ANKRD11: variants seen among roughly 807,000 people sequenced by gnomAD.
ANKRD11 encodes ankyrin repeat domain-containing protein 11.
Under a neutral mutation model 195.7 loss-of-function variants are expected in ANKRD11, and 17 were observed. The observed-to-expected ratio is 0.09, with a 90% CI of 0.06 to 0.13. The LOEUF (loss-of-function observed/expected upper bound fraction) is 0.13. Ranked by LOEUF, ANKRD11 falls within the 10% of genes least tolerant of loss-of-function variation. ANKRD11 has a pLI of 1.00. For missense variants in ANKRD11, 3,735 were observed against 3,566.1 expected (o/e 1.05, Z -1.21); for synonymous variants, 1,953 against 1,528.1 (o/e 1.28, Z -6.49).
Position 89,279,883 on chromosome 16 carries a change from G to A in ANKRD11, c.6659C>T (p.Ala2220Val), listed in dbSNP as rs758225743. Residue 2220 changes from alanine to valine, a missense_variant, in exon 9 of 13, where the codon GCG becomes GTG. Physicochemically the swap from Ala to Val is moderately conservative, Grantham distance 64 (BLOSUM62 0). Coordinates refer to ENST00000301030, the MANE Select transcript of ANKRD11 (RefSeq NM_013275.6). The surrounding 1 kb of genome is among the most constrained non-coding windows in gnomAD (Gnocchi z 5.6). ...TTCCGGCACCGTCTCCGCCTCCACC[G>A]CAGCTTCTAGAGCCACGTCCAGCTT... is the stretch of plus-strand genomic sequence containing the variant. The part of the protein sequence containing the change: ...EPKLDVALEA[A>V]VEAETVPEER... The A allele has an allele frequency of 1.4e-5, 22 of 1,594,326 alleles. No individual in the cohort carries two copies. In the South Asian group the frequency reaches 2.1e-4, roughly 15 times the overall value.
chr16:89,428,080 C>T (rs376618974), intron 1 of ANKRD11, among the ~76,000 whole-genome samples: 18 of 147,086 alleles, frequency 1.2e-4, no homozygotes, highest in East Asian at 4.1e-4. Context: ...TGGTGGCGCG[C>T]GCCTGTAATC....
chr16:89,346,727 G>A (rs188637188), intron 2 of ANKRD11, among the ~76,000 whole-genome samples: 8 of 152,312 alleles, frequency 5.3e-5, no homozygotes, highest in Admixed American at 3.3e-4. Context: ...GGAGATCCAG[G>A]TAAAGTGGTT....
chr16:89,313,171 C>G, intron 3 of ANKRD11: 1 of 833,352 alleles, frequency 1.2e-6, no homozygotes, highest in Non-Finnish European at 1.6e-6. Context: ...TGAGAACCAC[C>G]AAGTGAAGCT....
chr16:89,429,108 AGAC>A (rs1211414712), intron 1 of ANKRD11, among the ~76,000 whole-genome samples: 6 of 151,476 alleles, frequency 4.0e-5, no homozygotes, highest in African/African-American at 4.9e-5. Flanking sequence ...TCTCACGCTC[AGAC>A]GTTCTAGTAC....
At position 89,282,484 on chromosome 16, in the gene ANKRD11, G is replaced by C; in HGVS notation, c.4058C>G (p.Ser1353Cys). 6.2e-7 allele frequency: 1 copy of C among 1,613,916 alleles called. No homozygotes were observed. Among genetic ancestry groups the C allele is most frequent in the Non-Finnish European group, 8.5e-7 (1 of 1,179,990 alleles). Residue 1353 changes from serine (S) to cysteine (C), a missense_variant, in exon 9 of 13, where the codon TCC becomes TGC. Transcript: ENST00000301030. ...KLKEKERHRHSSSSSKKSHDR... is the reference protein window; with the variant it reads ...KLKEKERHRHCSSSSKKSHDR... ...GTGGCTCTTCTTGGATGAAGATGAG[G>C]AGTGTCTGTGCCTCTCCTTCTCTTT...
At chr16:89,275,662 G>C (rs947018290) in intron 9 of ANKRD11, among the ~76,000 whole-genome samples, 4 of 152,182 alleles carry the variant, frequency 2.6e-5, no homozygotes, top group African/African-American at 7.2e-5. Context: ...CGAGCCGGTG[G>C]TCTTGCAGTG....
intron 2 of ANKRD11, among the ~76,000 whole-genome samples, chr16:89,408,140 T>C (rs1039942072): frequency 1.2e-4 from 19 of 152,214 alleles, no homozygotes; most frequent in African/African-American, 3.9e-4. Context: ...TCGAAGGACT[T>C]GCGCATGGCC....
chr16:89,472,651 G>A (rs2057127473), intron 1 of ANKRD11, among the ~76,000 whole-genome samples: 1 of 152,138 alleles, frequency 6.6e-6, no homozygotes, highest in African/African-American at 2.4e-5. Flanking sequence ...TAATGGCTGT[G>A]CACACCGTTT....
At chr16:89,289,576 G>A (rs2034888212) in intron 6 of ANKRD11, among the ~76,000 whole-genome samples, 2 of 152,226 alleles carry the variant, frequency 1.3e-5, no homozygotes, top group African/African-American at 4.8e-5. Flanking sequence ...ACCCAGCCCT[G>A]TGAAGTGAGG....
At chr16:89,368,071 C>T (rs2040025122) in intron 2 of ANKRD11, among the ~76,000 whole-genome samples, 1 of 152,142 alleles carries the variant, frequency 6.6e-6, no homozygotes, top group Admixed American at 6.5e-5. Flanking sequence ...ATCTGAAAAC[C>T]CTGTTTATCT....
At chr16:89,439,528 A>G (rs575301776) in intron 1 of ANKRD11, among the ~76,000 whole-genome samples, 2 of 152,334 alleles carry the variant, frequency 1.3e-5, no homozygotes, top group South Asian at 2.1e-4. Context: ...ACAGTGATCC[A>G]GGGATATGGG....
intron 2 of ANKRD11, among the ~76,000 whole-genome samples, chr16:89,393,744 C>T (rs1031282252): frequency 6.6e-6 from 1 of 152,126 alleles, no homozygotes; most frequent in Non-Finnish European, 1.5e-5. Context: ...ACTATCCCAG[C>T]TGGGCCTATT....
At chr16:89,396,596 C>T (rs1191498387) in intron 2 of ANKRD11, among the ~76,000 whole-genome samples, 1 of 152,094 alleles carries the variant, frequency 6.6e-6, no homozygotes, top group African/African-American at 2.4e-5. Flanking sequence ...GATGCAGGAA[C>T]AGCGAGGAGA....
At chr16:89,319,420 A>G (rs1315846907) in intron 2 of ANKRD11, among the ~76,000 whole-genome samples, 2 of 152,236 alleles carry the variant, frequency 1.3e-5, no homozygotes, top group Non-Finnish European at 2.9e-5. Context: ...CACGGCCTGC[A>G]TCACAGCGAA....
At chr16:89,397,270 C>T (rs764756721) in intron 2 of ANKRD11, among the ~76,000 whole-genome samples, 5 of 152,236 alleles carry the variant, frequency 3.3e-5, no homozygotes, top group African/African-American at 1.2e-4. Flanking sequence ...ACCTCCAGGA[C>T]AGACACCAGC....
chr16:89,296,444 CTT>C (rs895730587), intron 4 of ANKRD11, among the ~76,000 whole-genome samples: 6 of 152,182 alleles, frequency 3.9e-5, no homozygotes, highest in African/African-American at 1.4e-4. Context: ...TAGGCAATCT[CTT>C]TTGTTAGAAC....
chr16:89,285,563 G>C lies in ANKRD11; in HGVS notation c.979C>G (p.Leu327Val). The change falls in exon 9 of 13, where the codon CTC becomes GTC. Residue 327 changes from leucine (L) to valine (V), a missense_variant. Transcript: ENST00000301030. The surrounding 1 kb of genome is among the most constrained non-coding windows in gnomAD (Gnocchi z 5.6). ...NNTDSEFEKG[L>V]KHKAKNPEPQ... ...TCTGGGTTCTTGGCCTTGTGCTTGA[G>C]GCCTTTTTCGAACTCGGAGTCCGTG... 1 of 1,614,130 alleles carries C rather than the reference G, an allele frequency of 6.2e-7. No homozygotes were observed. The highest frequency in any genetic ancestry group is 1.1e-5 in the South Asian group (1 of 91,076).
At chr16:89,304,840 C>T (rs1049121436) in intron 4 of ANKRD11, among the ~76,000 whole-genome samples, 3 of 152,234 alleles carry the variant, frequency 2.0e-5, no homozygotes, top group African/African-American at 7.2e-5. Context: ...AATGGAGTTT[C>T]TTCCTGTGCC....
intron 4 of ANKRD11, among the ~76,000 whole-genome samples, chr16:89,303,610 G>C (rs1379703592): frequency 6.6e-6 from 1 of 152,152 alleles, no homozygotes; most frequent in Non-Finnish European, 1.5e-5. Flanking sequence ...CCATGTGCCT[G>C]GCACTGCACC....
Sources: gnomAD v4.1 joint callset for allele counts (sites outside exome capture counted in the v4.1 genomes callset) on GRCh38, gnomAD v4.1.1 for gene constraint, Gnocchi (gnomAD v3.1) non-coding constraint, MANE v1.5 for transcripts, NCBI Gene and HGNC (gene_info 2026-07-23, HGNC 2026-07-21) for gene names.